Variants in COL11A2 observed in about 807,000 individuals in gnomAD.
COL11A2 encodes collagen type XI alpha 2 chain.
In COL11A2, 116 loss-of-function variants were observed where a neutral mutation model predicts 273.4. The ratio of observed to expected loss-of-function variants is 0.42; its 90% CI spans 0.36 to 0.49. The LOEUF (loss-of-function observed/expected upper bound fraction) is 0.49, where lower values mean the gene tolerates loss of function less well. Among genes scored for constraint, COL11A2 ranks in the 20% least tolerant of loss-of-function variants. The pLI is 0.00. For synonymous variants in COL11A2, 782 were observed against 864.2 expected, an observed-to-expected ratio of 0.90 and a Z score of 1.67; for missense variants, 1,866 against 2,309.0, an observed-to-expected ratio of 0.81 and a Z score of 3.93.
Position 33,171,798 on chromosome 6 carries a change from G to A in COL11A2, c.3065C>T (p.Ala1022Val). Residue 1022 changes from alanine (A) to valine (V), a missense_variant, in exon 42 of 66, where the codon GCA becomes GTA. Physicochemically the swap from Ala to Val is moderately conservative, Grantham distance 64. Transcript: ENST00000341947. ...ACCAATGGGTCCCCCTGATCCTGCT[G>A]CACCTCGTTCCCCAGGGGAGCCCTG... ...GPAGSPGERG[A>V]AGSGGPIGPP... 6.2e-7 allele frequency: 1 copy of A among 1,612,926 alleles called. No homozygotes were observed. Among genetic ancestry groups the A allele is most frequent in the Non-Finnish European group, 8.5e-7 (1 of 1,179,972 alleles).
chr6:33,164,169 C>T lies in COL11A2; in HGVS notation c.5070+98G>A. On this transcript the variant is annotated intron_variant, in intron 65 of 65. Transcript: ENST00000341947. The surrounding 1 kb of genome is among the most constrained non-coding windows in gnomAD (Gnocchi z 4.7). ...GACAATCCAGCAGGACGGACTCCTC[C>T]CTGCTCCCCCTGGGTGCCCTGCCCA... is the stretch of plus-strand genomic sequence containing the variant. 1 of 1,395,292 alleles carries T rather than the reference C, an allele frequency of 7.2e-7. No individual in the cohort carries two copies. Among genetic ancestry groups the T allele is most frequent in the South Asian group, 1.3e-5 (1 of 75,358 alleles). 86.4% of individuals were successfully genotyped at this position (1,395,292 alleles called of 1,614,324 possible).
chr6:33,179,064 G>A lies in COL11A2; in HGVS notation c.1611+9C>T. 6.2e-7 allele frequency: 1 copy of A among 1,613,966 alleles called. No individual in the cohort carries two copies. ...CCCCACAACACCCATCCACCCCTGG[G>A]GCACTCACCCTTCGCCCAGCCTTGC... On this transcript the variant is annotated intron_variant, in intron 16 of 65. Coordinates refer to ENST00000341947, the MANE Select transcript of COL11A2 (RefSeq NM_080680.3). This position sits in a 1 kb window ranked among gnomAD's most constrained non-coding sequence, Gnocchi z 6.4.
At position 33,173,670 on chromosome 6, in the gene COL11A2, CAG is replaced by C. The variant is rs905603025; in HGVS notation, c.2628+29_2628+30del. 3 of 1,560,784 alleles carry C rather than the reference CAG, an allele frequency of 1.9e-6. No homozygotes were observed. The highest frequency in any genetic ancestry group is 1.4e-5 in the African/African-American group (1 of 72,954). On this transcript the variant is annotated intron_variant, in intron 35 of 65. Coordinates refer to ENST00000341947, the MANE Select transcript of COL11A2 (RefSeq NM_080680.3). The surrounding 1 kb of genome is among the most constrained non-coding windows in gnomAD (Gnocchi z 6.3). ...GCTCACCCAGGCTCCCTGGGGACCT[CAG>C]GGGAAGGGGACTTTCGATCCACACT...
At position 33,175,596 on chromosome 6, in the gene COL11A2, G is replaced by A. The variant is rs1770790873; in HGVS notation, c.2354C>T (p.Pro785Leu). 2 of 1,612,834 alleles carry A rather than the reference G, an allele frequency of 1.2e-6. No individual in the cohort carries two copies. Among genetic ancestry groups the A allele is most frequent in the Middle Eastern group, 1.6e-4 (1 of 6,062 alleles). Residue 785 changes from proline (P) to leucine (L), a missense_variant, in exon 30 of 66, where the codon CCC becomes CTC. Physicochemically the swap from Pro to Leu is moderately conservative, Grantham distance 98. Coordinates refer to ENST00000341947, the MANE Select transcript of COL11A2 (RefSeq NM_080680.3). Reference sequence around the variant, plus strand: ...CACCTTCTCGCCCATGAGCCCTGGGGGCCCAGGGTCTCCAGTCGGTCCAGT... The same window carrying A: ...CACCTTCTCGCCCATGAGCCCTGGGAGCCCAGGGTCTCCAGTCGGTCCAGT... ...GRTGPTGDPG[P>L]PGLMGEKGKL...
In COL11A2 at chr6:33,173,005, G is replaced by A; in HGVS notation, c.2790+55C>T. On this transcript the variant is annotated intron_variant, in intron 38 of 65. Transcript: ENST00000341947. This position sits in a 1 kb window ranked among gnomAD's most constrained non-coding sequence, Gnocchi z 6.3. ...GGGGCGTGTGACCGAGAGAAGAGGG[G>A]CAGACAGACTAATGCTAGGGTCAGG... 6.4e-7 allele frequency: 1 copy of A among 1,568,058 alleles called. No homozygotes were observed. The highest frequency in any genetic ancestry group is 1.1e-5 in the South Asian group (1 of 89,398).
chr6:33,169,575 AT>A lies in COL11A2; in HGVS notation c.3691-86del. ...CTCTGCTTCCGAGACACCTTCAGCC[AT>A]CCCCTACTCCCCTCAGTGACAATGG... On this transcript the variant is annotated intron_variant, in intron 50 of 65. Transcript: ENST00000341947. This position sits in a 1 kb window ranked among gnomAD's most constrained non-coding sequence, Gnocchi z 5.5. 1 of 1,331,824 alleles carries A rather than the reference AT, an allele frequency of 7.5e-7. No homozygotes were observed. The highest frequency in any genetic ancestry group is 1.2e-5 in the South Asian group (1 of 83,480). 82.5% of individuals were successfully genotyped at this position (1,331,824 alleles called of 1,614,324 possible).
Position 33,170,248 on chromosome 6 carries a change from C to T in COL11A2, c.3582+78G>A. 1 of 1,579,222 alleles carries T rather than the reference C, an allele frequency of 6.3e-7. No homozygotes were observed. Among genetic ancestry groups the T allele is most frequent in the Admixed American group, 1.7e-5 (1 of 58,004 alleles). Reference sequence around the variant, plus strand: ...GCTTCTCTTGGCCCCTGAGACGATACTAGAGTTTATGGTCTGGGAAAGGGA... The same window carrying T: ...GCTTCTCTTGGCCCCTGAGACGATATTAGAGTTTATGGTCTGGGAAAGGGA... On this transcript the variant is annotated intron_variant, in intron 48 of 65. Coordinates refer to ENST00000341947, the MANE Select transcript of COL11A2 (RefSeq NM_080680.3). This position sits in a 1 kb window ranked among gnomAD's most constrained non-coding sequence, Gnocchi z 4.3.
At chr6:33,171,970 G>A in intron 41 of COL11A2, 80 bp downstream of exon 41, 2 of 1,570,006 alleles carry the variant, frequency 1.3e-6, no homozygotes, top group Non-Finnish European at 1.8e-6. Context: ...GCCCCTGGTG[G>A]TATCAGAATG....
rs1768595011 is a variant in COL11A2, at chr6:33,163,247, A to C, written c.*431T>G. 1 of 208,584 alleles carries C rather than the reference A, an allele frequency of 4.8e-6. No individual in the cohort carries two copies. The highest frequency in any genetic ancestry group is 9.8e-6 in the Non-Finnish European group (1 of 101,978). 12.9% of individuals were successfully genotyped at this position (208,584 alleles called of 1,614,324 possible). A position where few individuals can be genotyped will look rare whatever the true frequency, so the allele number is the denominator to read the frequency against. On this transcript the variant is annotated 3_prime_UTR_variant, in exon 66 of 66. Transcript: ENST00000341947. The surrounding 1 kb of genome is among the most constrained non-coding windows in gnomAD (Gnocchi z 4.1). ...CCTGACTCCAGGATGTGGGTGCCGG[A>C]GCCCACCCCCGAGACCCCTGTCTTC...
At chr6:33,192,095 C>T in intron 1 of COL11A2, 64 bp downstream of exon 1, 1 of 1,477,782 alleles carries the variant, frequency 6.8e-7, no homozygotes, top group Non-Finnish European at 9.3e-7. Flanking sequence ...CAGCTGGCCC[C>T]TTCCCAGAGA....
chr6:33,179,693 C>T lies in COL11A2; in HGVS notation c.1446+26G>A, dbSNP rs753560323. ...CTTCCAGTGCCCCCCAGAGCCTTCCCTTTCCAGGGAAGCAGCCCCACTCAC... is the reference window on the plus strand; with the variant it reads ...CTTCCAGTGCCCCCCAGAGCCTTCCTTTTCCAGGGAAGCAGCCCCACTCAC... On this transcript the variant is annotated intron_variant, in intron 13 of 65. Transcript: ENST00000341947. This position sits in a 1 kb window ranked among gnomAD's most constrained non-coding sequence, Gnocchi z 6.4. 1 of 1,610,234 alleles carries T rather than the reference C, an allele frequency of 6.2e-7. No individual in the cohort carries two copies. Among genetic ancestry groups the T allele is most frequent in the Non-Finnish European group, 8.5e-7 (1 of 1,179,716 alleles).
Position 33,184,249 on chromosome 6 carries a change from G to A in COL11A2, c.1015C>T (p.Pro339Ser), listed in dbSNP as rs766732850. 2 of 1,367,650 alleles carry A rather than the reference G, an allele frequency of 1.5e-6. No individual in the cohort carries two copies. Among genetic ancestry groups the A allele is most frequent in the South Asian group, 2.3e-5 (2 of 88,042 alleles). The allele number at this position is 1,367,650 out of a possible 1,614,324, so 84.7% of individuals were successfully genotyped here. A position where few individuals can be genotyped will look rare whatever the true frequency, so the allele number is the denominator to read the frequency against. ...GTGTAATCGTAGGGCCCTTCAGGGG[G>A]GTCTGTGCCACCCTCCCCATATTCC... Reference protein sequence around the residue: ...AEEYGEGGTDPPEGPYDYTYG... With the variant: ...AEEYGEGGTDSPEGPYDYTYG... Residue 339 changes from proline (P) to serine (S), a missense_variant, in exon 8 of 66, where the codon CCC becomes TCC. Pro to Ser is a moderately conservative substitution (Grantham distance 74). Transcript: ENST00000341947.
intron 54 of COL11A2, among the ~76,000 whole-genome samples, chr6:33,168,116 G>T (rs189624254): frequency 6.6e-6 from 1 of 152,134 alleles, no homozygotes; most frequent in East Asian, 1.9e-4. Flanking sequence ...AAACTAAAAA[G>T]GTTCACCCCT....
Position 33,169,448 on chromosome 6 carries a change from GCTGC to G in COL11A2, c.3729_3732del (p.Pro1245GlufsTer99). The G allele has an allele frequency of 6.2e-7, 1 of 1,612,938 alleles. No homozygotes were observed. The highest frequency in any genetic ancestry group is 8.5e-7 in the Non-Finnish European group (1 of 1,180,028). ...GGCCCTGGTGGCCCTGGCTCTCCTG[GCTGC>G]CCCGACTCTCCTTTCTCTCCACGTT... On this transcript the variant is annotated frameshift_variant, in exon 51 of 66. Coordinates refer to ENST00000341947, the MANE Select transcript of COL11A2 (RefSeq NM_080680.3). LOFTEE classifies it high-confidence loss of function. The surrounding 1 kb of genome is among the most constrained non-coding windows in gnomAD (Gnocchi z 5.5).
chr6:33,186,457 A>T, intron 5 of COL11A2, 170 bp downstream of exon 5: 4 of 1,455,024 alleles, frequency 2.7e-6, no homozygotes, highest in African/African-American at 1.4e-5. Flanking sequence ...CTTCATAACA[A>T]CTCTTTTTAT....
rs538784132 is a variant in COL11A2, at chr6:33,187,722, A to G, written c.606+640T>C. 1.3e-4 allele frequency among the ~76,000 whole-genome samples: 20 copies of G among 152,152 alleles called. No individual in the cohort carries two copies. In the East Asian group the frequency reaches 3.5e-3, roughly 26 times the overall value. ...TGGGTGAATGACTGGTCGGATGGGA[A>G]GTAAGTGGGTCAGGAGATGGGTGAG... On this transcript the variant is annotated intron_variant, in intron 4 of 65. Coordinates refer to ENST00000341947, the MANE Select transcript of COL11A2 (RefSeq NM_080680.3).
Position 33,167,526 on chromosome 6 carries a change from G to C in COL11A2, c.4022C>G (p.Pro1341Arg). ...CTTCCCCGGGGCACCTATAGCGCCAGGATCTCCCTGAAACACACACAAGGA... is the reference window on the plus strand; with the variant it reads ...CTTCCCCGGGGCACCTATAGCGCCACGATCTCCCTGAAACACACACAAGGA... ...RQGGKGAKGD[P>R]GAIGAPGKTG... is the part of the protein sequence containing the mutation. Residue 1341 changes from proline to arginine, a missense_variant, in exon 56 of 66, where the codon CCT (proline) becomes CGT (arginine). Transcript: ENST00000341947. This position sits in a 1 kb window ranked among gnomAD's most constrained non-coding sequence, Gnocchi z 6.1. 1 of 1,612,834 alleles carries C rather than the reference G, an allele frequency of 6.2e-7. No individual in the cohort carries two copies. The highest frequency in any genetic ancestry group is 1.1e-5 in the South Asian group (1 of 91,080).
At position 33,169,276 on chromosome 6, in the gene COL11A2, C is replaced by T. The variant is rs1482826069; in HGVS notation, c.3798+107G>A. On this transcript the variant is annotated intron_variant, in intron 51 of 65. Transcript: ENST00000341947. The surrounding 1 kb of genome is among the most constrained non-coding windows in gnomAD (Gnocchi z 5.5). Reference sequence around the variant, plus strand: ...CCCCATTCCCAGAGCATCCCCCAAACTCCCGGGCTCCCCACACTCCAAGAT... The same window carrying T: ...CCCCATTCCCAGAGCATCCCCCAAATTCCCGGGCTCCCCACACTCCAAGAT... 2.8e-6 allele frequency: 3 copies of T among 1,079,438 alleles called. No individual in the cohort carries two copies. Among genetic ancestry groups the T allele is most frequent in the African/African-American group, 1.6e-5 (1 of 63,872 alleles). The allele number at this position is 1,079,438 out of a possible 1,614,324, so 66.9% of individuals were successfully genotyped here. A position where few individuals can be genotyped will look rare whatever the true frequency, so the allele number is the denominator to read the frequency against.
rs569369216 is a variant in COL11A2 at position 33,190,160 on chromosome 6, G to A, written c.83-691C>T. Reference sequence around the variant, plus strand: ...AAAAAGATACAAGAAAGCTCTCCCAGGAGTCTGTGCCTCCTGGTTTAGGAG... The same window carrying A: ...AAAAAGATACAAGAAAGCTCTCCCAAGAGTCTGTGCCTCCTGGTTTAGGAG... On this transcript the variant is annotated intron_variant, in intron 1 of 65. Coordinates refer to ENST00000341947, the MANE Select transcript of COL11A2 (RefSeq NM_080680.3). This position sits in a 1 kb window ranked among gnomAD's most constrained non-coding sequence, Gnocchi z 4.5. 8.5e-5 allele frequency among the ~76,000 whole-genome samples: 13 copies of A among 152,158 alleles called. No individual in the cohort carries two copies. Among genetic ancestry groups the A allele is most frequent in the Non-Finnish European group, 1.5e-4 (10 of 67,974 alleles).
Sources: gnomAD v4.1 joint callset for allele counts (sites outside exome capture counted in the v4.1 genomes callset) on GRCh38, gnomAD v4.1.1 for gene constraint, Gnocchi (gnomAD v3.1) non-coding constraint, MANE v1.5 for transcripts, NCBI Gene and HGNC (gene_info 2026-07-23, HGNC 2026-07-21) for gene names.